The following HERC3 variants were observed in gnomAD, a reference collection of about 807,000 sequenced individuals.
HERC3 encodes the protein HECT and RLD domain containing E3 ubiquitin protein ligase 3.
HERC3 carries 58 observed loss-of-function variants against 129.9 expected under a neutral mutation model. The ratio of observed to expected loss-of-function variants is 0.45; its 90% confidence interval spans 0.36 to 0.56. The LOEUF is 0.56. Among genes scored for constraint, HERC3 ranks in the 20% least tolerant of loss-of-function variants. The pLI, the probability that HERC3 is intolerant of heterozygous loss-of-function variation, is 0.00. For missense variants in HERC3, 835 were observed against 1,244.2 expected (o/e 0.67, Z 4.95); for synonymous variants, 430 against 451.0 (o/e 0.95, Z 0.59).
intron 21 of HERC3, among the ~76,000 whole-genome samples, chr4:88,684,624 G>C (rs1028280698): frequency 6.6e-6 from 1 of 152,086 alleles, no homozygotes. Flanking sequence ...TTGACAAATC[G>C]GATCTAATCG....
At chr4:88,538,383 G>T in the HERC3 span, among the ~76,000 whole-genome samples, 3 of 152,122 alleles carry the variant, frequency 2.0e-5, no homozygotes, top group Non-Finnish European at 4.4e-5. Context: ...AGACTGGATG[G>T]CTTGAACAAC....
chr4:88,602,893 G>T (rs1214511576), intron 2 of HERC3, among the ~76,000 whole-genome samples: 2 of 152,158 alleles, frequency 1.3e-5, no homozygotes, highest in South Asian at 2.1e-4. Flanking sequence ...GAATGTTTAG[G>T]TTCTCTTATC....
chr4:88,545,430 C>CTTTTTTTTTTTTTTTTTTTTTTT, the HERC3 span, among the ~76,000 whole-genome samples: 1 of 110,434 alleles, frequency 9.1e-6, no homozygotes, highest in African/African-American at 3.7e-5. Context: ...TTTGAGAATT[C>CTTTTTTTTTTTTTTTTTTTTTTT]TTTTTTTTTT....
At chr4:88,595,654 T>A (rs1722282849) in intron 2 of HERC3, 40 bp downstream of exon 2, 1 of 152,128 alleles carries the variant, frequency 6.6e-6, no homozygotes. Flanking sequence ...TTTTTCATCT[T>A]GTAAATGGAG....
At chr4:88,642,513 T>A (rs1285505629) in intron 3 of HERC3, among the ~76,000 whole-genome samples, 2 of 152,216 alleles carry the variant, frequency 1.3e-5, no homozygotes, top group Non-Finnish European at 2.9e-5. Flanking sequence ...ACTTGTTGGC[T>A]TATAAAGAAC....
intron 23 of HERC3, among the ~76,000 whole-genome samples, chr4:88,698,738 A>T (rs1040507603): frequency 7.0e-6 from 1 of 142,062 alleles, no homozygotes; most frequent in Non-Finnish European, 1.5e-5. Flanking sequence ...TCCACACCAC[A>T]TCTTCTCCCT....
chr4:88,618,934 C>A (rs1725215081), intron 3 of HERC3, among the ~76,000 whole-genome samples: 1 of 152,210 alleles, frequency 6.6e-6, no homozygotes, highest in African/African-American at 2.4e-5. Flanking sequence ...TCCAGCCAAA[C>A]AGAGGTGTCT....
At chr4:88,525,304 T>C in the HERC3 span, among the ~76,000 whole-genome samples, 2 of 152,220 alleles carry the variant, frequency 1.3e-5, no homozygotes, top group Non-Finnish European at 2.9e-5. Flanking sequence ...CTATGTCACC[T>C]TCACACTATT....
At position 88,705,118 on chromosome 4, in the gene HERC3, T is replaced by C. The variant is rs143918899; in HGVS notation, c.2944+508T>C. On this transcript the variant is annotated intron_variant, in intron 25 of 25. Coordinates refer to ENST00000402738, the MANE Select transcript of HERC3 (RefSeq NM_014606.3). Reference sequence around the variant, plus strand: ...CTGACCTCAAGTGATCCGCCTGTTTTGGCCTCCCAAAATGCTGGGATTACA... The same window carrying C: ...CTGACCTCAAGTGATCCGCCTGTTTCGGCCTCCCAAAATGCTGGGATTACA... Among the ~76,000 whole-genome samples, 825 of 152,308 alleles carry C rather than the reference T, an allele frequency of 5.4e-3. 5 individuals carry two copies. The highest frequency in any genetic ancestry group is 0.018 in the African/African-American group (758 of 41,560).
chr4:88,631,918 C>T (rs774913796), intron 3 of HERC3, among the ~76,000 whole-genome samples: 7 of 152,132 alleles, frequency 4.6e-5, no homozygotes, highest in East Asian at 1.9e-4. Context: ...ATGCCTGGAG[C>T]GACTATTTGA....
At chr4:88,535,457 T>C in the HERC3 span, among the ~76,000 whole-genome samples, 1 of 152,192 alleles carries the variant, frequency 6.6e-6, no homozygotes, top group Non-Finnish European at 1.5e-5. Context: ...TTATATAAGG[T>C]GACTAAATCA....
At chr4:88,685,338 G>T (rs1458195248) in intron 21 of HERC3, among the ~76,000 whole-genome samples, 1 of 152,138 alleles carries the variant, frequency 6.6e-6, no homozygotes, top group East Asian at 1.9e-4. Context: ...CAAAGACTTG[G>T]AATCAACCCA....
chr4:88,604,932 G>A (rs986160715), intron 2 of HERC3, among the ~76,000 whole-genome samples: 43 of 152,112 alleles, frequency 2.8e-4, no homozygotes, highest in African/African-American at 1.0e-3. Flanking sequence ...TGAATTGGTA[G>A]CGAGAGATGA....
chr4:88,701,952 A>G (rs1196172087), intron 23 of HERC3, among the ~76,000 whole-genome samples: 1 of 151,928 alleles, frequency 6.6e-6, no homozygotes, highest in African/African-American at 2.4e-5. Flanking sequence ...ACAGGCATGC[A>G]CCACCAGGCC....
At chr4:88,688,460 T>C (rs1733713845) in intron 23 of HERC3, among the ~76,000 whole-genome samples, 1 of 152,156 alleles carries the variant, frequency 6.6e-6, no homozygotes, top group African/African-American at 2.4e-5. Flanking sequence ...ACAGCCAGAA[T>C]GAAGGCAGTG....
At chr4:88,679,900 G>A (rs940190872) in intron 19 of HERC3, among the ~76,000 whole-genome samples, 193 bp from the exon 20 acceptor site, 3 of 152,168 alleles carry the variant, frequency 2.0e-5, no homozygotes, top group Admixed American at 1.3e-4. Flanking sequence ...AAAATTGTAT[G>A]TATCTATAAG....
intron 23 of HERC3, among the ~76,000 whole-genome samples, chr4:88,689,390 A>T (rs981700497): frequency 6.6e-6 from 1 of 151,436 alleles, no homozygotes; most frequent in African/African-American, 2.4e-5. Flanking sequence ...GTGGCAGTGC[A>T]CATCTGTAGT....
intron 23 of HERC3, among the ~76,000 whole-genome samples, chr4:88,695,288 T>G (rs1424369885): frequency 6.6e-6 from 1 of 152,196 alleles, no homozygotes; most frequent in Non-Finnish European, 1.5e-5. Context: ...CTGCCTTCCA[T>G]TCCCTAGGAT....
intron 3 of HERC3, among the ~76,000 whole-genome samples, chr4:88,607,366 G>A (rs971292388): frequency 1.3e-5 from 2 of 152,154 alleles, no homozygotes; most frequent in African/African-American, 4.8e-5. Flanking sequence ...TGGAAAGGTA[G>A]GGGGACTAAT....
Sources: gnomAD v4.1 joint callset for allele counts (sites outside exome capture counted in the v4.1 genomes callset) on GRCh38, gnomAD v4.1.1 for gene constraint, MANE v1.5 for transcripts, NCBI Gene and HGNC (gene_info 2026-07-23, HGNC 2026-07-21) for gene names.